The following MBP variants were observed in gnomAD, a reference collection of about 807,000 sequenced individuals.
MBP encodes myelin basic protein.
MBP carries 16 observed loss-of-function variants against 35.8 expected under a neutral mutation model. The observed-to-expected ratio is 0.45, with a 90% CI of 0.30 to 0.68. MBP has a LOEUF of 0.68. Ranked by LOEUF, MBP falls within the 30% of genes least tolerant of loss-of-function variation. MBP has a pLI of 0.08. For synonymous variants in MBP, 143 were observed against 159.6 expected, an observed-to-expected ratio of 0.90 and a Z score of 0.78; for missense variants, 380 against 404.7, an observed-to-expected ratio of 0.94 and a Z score of 0.52.
intron 2 of MBP, among the ~76,000 whole-genome samples, chr18:77,069,662 C>T (rs55813725): frequency 1.0e-3 from 154 of 152,218 alleles, no homozygotes; most frequent in Non-Finnish European, 1.8e-3. Context: ...AAGTGCGTGG[C>T]GGGGGATAAC....
At chr18:77,124,733 G>A (rs1171927025) in intron 1 of MBP, among the ~76,000 whole-genome samples, 1 of 152,188 alleles carries the variant, frequency 6.6e-6, no homozygotes, top group Non-Finnish European at 1.5e-5. Context: ...CAGAGTTTCT[G>A]AGCCAGGTCG....
chr18:77,050,107 G>A (rs1973428127), intron 3 of MBP, among the ~76,000 whole-genome samples: 1 of 152,220 alleles, frequency 6.6e-6, no homozygotes. Flanking sequence ...TCAACAGCAA[G>A]GACAAAAATT....
intron 3 of MBP, among the ~76,000 whole-genome samples, chr18:77,018,174 C>T (rs12970079): frequency 0.27 from 41,115 of 150,908 alleles, 6,725 homozygotes; most frequent in Admixed American, 0.37. Flanking sequence ...TCCATCCATC[C>T]ATACACACAC....
chr18:77,082,115 G>A (rs1387414288), intron 2 of MBP, among the ~76,000 whole-genome samples: 1 of 151,978 alleles, frequency 6.6e-6, no homozygotes, highest in African/African-American at 2.4e-5. Flanking sequence ...GCCTCCCAAA[G>A]TGCTGGGATT....
intron 1 of MBP, chr18:77,109,622 A>C (rs1976386520): frequency 6.6e-6 from 1 of 152,256 alleles, no homozygotes; most frequent in Non-Finnish European, 1.5e-5. Context: ...GTCTTCCTAG[A>C]TAGTTGGCAC....
rs1161658505 is a variant in MBP, at chr18:76,988,199, TC to T, written c.750+295del. On this transcript the variant is annotated intron_variant, in intron 7 of 8. Coordinates refer to ENST00000355994, the MANE Select transcript of MBP (RefSeq NM_001025101.2). This position sits in a 1 kb window ranked among gnomAD's most constrained non-coding sequence, Gnocchi z 5.2. ...TTTTCTCGGACGTGGTGTTGCTCCCTCCCTGGGAGGGAGACCAGTCACGTCG... is the reference window on the plus strand; with the variant it reads ...TTTTCTCGGACGTGGTGTTGCTCCCTCCTGGGAGGGAGACCAGTCACGTCG... 3.2e-6 allele frequency: 5 copies of T among 1,546,966 alleles called. No individual in the cohort carries two copies. The highest frequency in any genetic ancestry group is 4.4e-6 in the Non-Finnish European group (5 of 1,146,908).
chr18:77,078,396 T>A (rs1316274816), intron 2 of MBP, among the ~76,000 whole-genome samples: 1 of 152,176 alleles, frequency 6.6e-6, no homozygotes, highest in African/African-American at 2.4e-5. Flanking sequence ...ATGAAGGAAG[T>A]TTTTAATATT....
chr18:77,105,428 A>C (rs983510082), intron 1 of MBP, 142 bp from the exon 2 acceptor site: 4 of 547,262 alleles, frequency 7.3e-6, no homozygotes, highest in Admixed American at 2.8e-5. Flanking sequence ...AAAACAGAAG[A>C]GACACGTCCA....
intron 7 of MBP, chr18:76,986,694 G>A: frequency 1.0e-6 from 1 of 985,526 alleles, no homozygotes; most frequent in Non-Finnish European, 1.2e-6. Context: ...CTCCCTGATG[G>A]CAGAGGGCAG....
intron 3 of MBP, among the ~76,000 whole-genome samples, chr18:77,056,853 C>T (rs1237098056): frequency 6.6e-6 from 1 of 152,162 alleles, no homozygotes; most frequent in Non-Finnish European, 1.5e-5. Context: ...AATGACATGG[C>T]CTCACTAAAG....
chr18:77,112,871 T>C (rs1259809959), intron 1 of MBP: 1 of 152,220 alleles, frequency 6.6e-6, no homozygotes, highest in South Asian at 2.1e-4. Flanking sequence ...GTCCTCAAGT[T>C]AAGATGAGGT....
intron 3 of MBP, among the ~76,000 whole-genome samples, chr18:77,037,726 T>C (rs1972833851): frequency 6.6e-6 from 1 of 152,178 alleles, no homozygotes; most frequent in Admixed American, 6.5e-5. Flanking sequence ...GTGCTCAGCC[T>C]CTCTGATGAA....
chr18:77,085,301 T>C (rs1356298373), intron 2 of MBP, among the ~76,000 whole-genome samples: 1 of 152,160 alleles, frequency 6.6e-6, no homozygotes, highest in Admixed American at 6.5e-5. Flanking sequence ...AGAAGGGCAA[T>C]AGGTCAAATA....
At chr18:77,061,310 A>T (rs1001743299) in intron 3 of MBP, among the ~76,000 whole-genome samples, 1 of 152,240 alleles carries the variant, frequency 6.6e-6, no homozygotes, top group African/African-American at 2.4e-5. Context: ...AAGCAGGAAA[A>T]ATTCTTAGTA....
At chr18:76,996,086 G>T (rs1568273688) in intron 4 of MBP, among the ~76,000 whole-genome samples, 3 of 152,196 alleles carry the variant, frequency 2.0e-5, no homozygotes, top group Admixed American at 1.3e-4. Flanking sequence ...CAGATGAAAA[G>T]ATGTTCAGCA....
intron 2 of MBP, among the ~76,000 whole-genome samples, chr18:77,099,501 G>T (rs1271331233): frequency 6.6e-6 from 1 of 152,236 alleles, no homozygotes; most frequent in Non-Finnish European, 1.5e-5. Flanking sequence ...ACATTAAAAT[G>T]ATTTCCCCTG....
At chr18:77,067,839 G>T (rs755102568) in intron 2 of MBP, 2 of 513,726 alleles carry the variant, frequency 3.9e-6, no homozygotes, top group Admixed American at 2.0e-5. Flanking sequence ...TCTGGAGAGA[G>T]GGGCAGGCAC....
chr18:77,018,865 TATCCATCCATCCATCC>T (rs200121847), intron 3 of MBP, among the ~76,000 whole-genome samples: 4,301 of 125,174 alleles, frequency 0.034, 244 homozygotes, highest in African/African-American at 0.12. Context: ...CTCATCCATC[TATCCATCCATCCATCC>T]ATCCATCCAT....
At chr18:77,081,893 A>C (rs373255484) in intron 2 of MBP, among the ~76,000 whole-genome samples, 115 of 129,234 alleles carry the variant, frequency 8.9e-4, no homozygotes, top group East Asian at 5.8e-3. Flanking sequence ...GCTCTGTCGC[A>C]CAGGCTGGAG....
Sources: allele counts gnomAD v4.1 joint callset (sites outside exome capture counted in the v4.1 genomes callset), GRCh38; gene constraint gnomAD v4.1.1; non-coding constraint Gnocchi (gnomAD v3.1); transcripts MANE v1.5; gene names NCBI Gene and HGNC (gene_info 2026-07-23, HGNC 2026-07-21).